The following DENND2D variants were observed in gnomAD, a reference collection of about 807,000 sequenced individuals.
DENND2D encodes the protein DENN domain containing 2D.
A neutral mutation model predicts 59.8 loss-of-function variants in DENND2D; 37 were observed. The ratio of observed to expected loss-of-function variants is 0.62; its 90% confidence interval spans 0.48 to 0.81. The LOEUF is 0.81. Among genes scored for constraint, DENND2D ranks in the 40% least tolerant of loss-of-function variants. The pLI is 0.00. For missense variants in DENND2D, 525 were observed against 579.7 expected (o/e 0.91, Z 0.97); for synonymous variants, 219 against 211.3 (o/e 1.04, Z -0.31).
At chr1:111,194,865 T>C (rs1327155093) in intron 6 of DENND2D, 139 bp from the exon 7 acceptor site, 11 of 942,676 alleles carry the variant, frequency 1.2e-5, no homozygotes, top group Non-Finnish European at 1.6e-5. Flanking sequence ...CCCCTGCTAA[T>C]TGGCTGGAGG....
At chr1:111,204,376 C>CG, upstream of DENND2D, 1 of 1,402,128 alleles carries the variant, frequency 7.1e-7, no homozygotes, top group East Asian at 3.1e-5. Context: ...GCCCGGCTCC[C>CG]GCTCCCAGCT....
At chr1:111,199,556 C>G in intron 2 of DENND2D, 67 bp downstream of exon 2, 3 of 1,530,210 alleles carry the variant, frequency 2.0e-6, no homozygotes, top group Non-Finnish European at 2.7e-6. Flanking sequence ...GAGGTGGAAC[C>G]CCCACCCCTA....
Position 111,188,114 on chromosome 1 carries a change from G to A in DENND2D, c.1339+17C>T, listed in dbSNP as rs1657388303. The A allele has an allele frequency of 6.2e-7, 1 of 1,613,880 alleles. No homozygotes were observed. Among genetic ancestry groups the A allele is most frequent in the African/African-American group, 1.3e-5 (1 of 74,914 alleles). ...TAACCCTCTATGGGCTTAGACTGAT[G>A]GGGACTGTTACTGTACCTGCAGGAG... On this transcript the variant is annotated intron_variant, in intron 11 of 11. Transcript: ENST00000357640.
At position 111,198,649 on chromosome 1, in the gene DENND2D, A is replaced by G. The variant is rs776127765; in HGVS notation, c.337T>C (p.Ser113Pro). 2 of 1,613,992 alleles carry G rather than the reference A, an allele frequency of 1.2e-6. No individual in the cohort carries two copies. Among genetic ancestry groups the G allele is most frequent in the Non-Finnish European group, 1.7e-6 (2 of 1,179,884 alleles). The change falls in exon 3 of 12, where the codon TCA becomes CCA. Residue 113 changes from serine (S) to proline (P), a missense_variant. Physicochemically the swap from Ser to Pro is moderately conservative, Grantham distance 74. Transcript: ENST00000357640. ...FCFPDGNEWASLTEYPRETFS... is the reference protein window; with the variant it reads ...FCFPDGNEWAPLTEYPRETFS... ...AATTACCTGGGATACTCGGTGAGTG[A>G]TGCCCACTCATTCCCATCTGGGAAG...
rs761841504 is a variant in DENND2D at position 111,200,392 on chromosome 1, C to T, written c.67+1G>A. Reference sequence around the variant, plus strand: ...AAGGAAGTAGGCAGTCCAGTCCTGACCTGCTCGGAGTTGAAGCAGTCGGCG... The same window carrying T: ...AAGGAAGTAGGCAGTCCAGTCCTGATCTGCTCGGAGTTGAAGCAGTCGGCG... On this transcript the variant is annotated splice_donor_variant, in intron 1 of 11. Transcript: ENST00000357640. LOFTEE classifies it high-confidence loss of function. 2.5e-6 allele frequency: 4 copies of T among 1,611,728 alleles called. No homozygotes were observed. In the South Asian group the frequency reaches 4.4e-5, roughly 18 times the overall value.
At chr1:111,191,789 T>C (rs994363253) in intron 8 of DENND2D, among the ~76,000 whole-genome samples, 2 of 152,226 alleles carry the variant, frequency 1.3e-5, no homozygotes, top group African/African-American at 4.8e-5. Flanking sequence ...TTGGATGAGA[T>C]GGGACACCCC....
intron 11 of DENND2D, among the ~76,000 whole-genome samples, 161 bp from the exon 12 acceptor site, chr1:111,187,842 T>G (rs1451218274): frequency 6.6e-6 from 1 of 152,170 alleles, no homozygotes; most frequent in Non-Finnish European, 1.5e-5. Flanking sequence ...ACATTCAGTT[T>G]TGTCCAAAAA....
chr1:111,189,236 A>G lies in DENND2D; in HGVS notation c.990T>C (p.Leu330=). Residue 330 remains leucine (L), a synonymous_variant, in exon 9 of 12, where the codon CTT becomes CTC. Transcript: ENST00000357640. ...CCGACATTAAGAAGGTTCCTTCACA[A>G]AGATTGACCAGCAGGACCTGAAATA... The part of the protein sequence containing the change: ...SPMEEVLLVN[L]CEGTFLMSVG... 1 of 1,614,168 alleles carries G rather than the reference A, an allele frequency of 6.2e-7. No homozygotes were observed. Among genetic ancestry groups the G allele is most frequent in the Non-Finnish European group, 8.5e-7 (1 of 1,180,018 alleles).
intron 5 of DENND2D, 52 bp downstream of exon 5, chr1:111,197,124 C>A: frequency 6.4e-7 from 1 of 1,569,156 alleles, no homozygotes. Flanking sequence ...GCAGGGTTGG[C>A]AGCCAGAGAC....
chr1:111,195,713 A>G, intron 6 of DENND2D: 1 of 638,218 alleles, frequency 1.6e-6, no homozygotes, highest in Non-Finnish European at 2.7e-6. Flanking sequence ...TTGAGCAGTA[A>G]CTAGGTGCTT....
chr1:111,188,517 T>G (rs2101441631), intron 10 of DENND2D, 147 bp from the exon 11 acceptor site: 1 of 1,305,966 alleles, frequency 7.7e-7, no homozygotes, highest in East Asian at 2.3e-5. Context: ...GATGGGAATC[T>G]GGGTATGAGT....
intron 8 of DENND2D, 61 bp downstream of exon 8, chr1:111,192,079 C>G (rs1466292546): frequency 1.4e-6 from 2 of 1,425,534 alleles, no homozygotes; most frequent in African/African-American, 1.4e-5. Context: ...AGCAGCAGAG[C>G]TGGGATCTGA....
rs1341406113 is a variant in DENND2D, at chr1:111,187,438, C to G, written c.*167G>C. On this transcript the variant is annotated 3_prime_UTR_variant, in exon 12 of 12. Coordinates refer to ENST00000357640, the MANE Select transcript of DENND2D (RefSeq NM_024901.5). ...CTCCAAAGTCCTGAGAAATCAATAC[C>G]AGGGATCCAAATCTCAGACACCAGT... 8 of 621,022 alleles carry G rather than the reference C, an allele frequency of 1.3e-5. No homozygotes were observed. The highest frequency in any genetic ancestry group is 2.3e-5 in the Non-Finnish European group (8 of 347,812). 38.5% of individuals were successfully genotyped at this position (621,022 alleles called of 1,614,324 possible).
intron 2 of DENND2D, 139 bp from the exon 3 acceptor site, chr1:111,198,881 G>C: frequency 1.3e-6 from 1 of 794,868 alleles, no homozygotes; most frequent in Non-Finnish European, 2.0e-6. Context: ...GGGGCGAAGG[G>C]TGCCTTTGCC....
chr1:111,199,339 T>C (rs1426359422), intron 2 of DENND2D, among the ~76,000 whole-genome samples: 1 of 152,180 alleles, frequency 6.6e-6, no homozygotes, highest in Non-Finnish European at 1.5e-5. Flanking sequence ...AAATGGGATT[T>C]GGAAGACCTA....
chr1:111,199,891 G>A (rs564793847), intron 1 of DENND2D, 93 bp from the exon 2 acceptor site: 5 of 1,476,908 alleles, frequency 3.4e-6, no homozygotes, highest in East Asian at 4.6e-5. Flanking sequence ...ACACCTCAAG[G>A]CCGCCTTGCC....
At chr1:111,192,115 A>C in intron 8 of DENND2D, 25 bp downstream of exon 8, 1 of 1,542,910 alleles carries the variant, frequency 6.5e-7, no homozygotes, top group Non-Finnish European at 8.8e-7. Context: ...GCTCCAAATC[A>C]TGCACTCTTC....
Position 111,187,131 on chromosome 1 carries a change from C to T in DENND2D, c.*474G>A, listed in dbSNP as rs999056883. 3.9e-4 allele frequency: 61 copies of T among 155,356 alleles called. No homozygotes were observed. Among genetic ancestry groups the T allele is most frequent in the Middle Eastern group, 3.4e-3 (1 of 294 alleles). 9.6% of individuals were successfully genotyped at this position (155,356 alleles called of 1,614,324 possible). ...GTCATATTCATTGCCTTATTTTCCA[C>T]GAGGAAAATACTTTTACCCATAGTA... On this transcript the variant is annotated 3_prime_UTR_variant, in exon 12 of 12. Transcript: ENST00000357640.
chr1:111,199,065 T>C (rs967275520), intron 2 of DENND2D, among the ~76,000 whole-genome samples: 9 of 152,224 alleles, frequency 5.9e-5, no homozygotes, highest in Non-Finnish European at 1.2e-4. Context: ...CCCAGGCCCC[T>C]GGGAGGACAA....
Sources: allele counts gnomAD v4.1 joint callset (sites outside exome capture counted in the v4.1 genomes callset), GRCh38; gene constraint gnomAD v4.1.1; transcripts MANE v1.5; gene names NCBI Gene and HGNC (gene_info 2026-07-23, HGNC 2026-07-21).